Variants in ADGRE1 observed in about 807,000 individuals in gnomAD.
The protein encoded by ADGRE1 is EGF-like module receptor 1.
In ADGRE1, 82 loss-of-function variants were observed where a neutral mutation model predicts 102.7. That is an observed-to-expected ratio of 0.80 (90% CI 0.67 to 0.96). The LOEUF is 0.96. Ranked by LOEUF, ADGRE1 falls within the 40% of genes least tolerant of loss-of-function variation. The probability of loss-of-function intolerance (pLI) is 0.00; values close to 1 mark genes in which losing one functional copy is unlikely to be tolerated. For missense variants in ADGRE1, 1,032 were observed against 1,085.3 expected (o/e 0.95, Z 0.69); for synonymous variants, 398 against 399.6 (o/e 1.00, Z 0.05).
At chr19:6,894,712 A>G (rs780579971) in intron 2 of ADGRE1, among the ~76,000 whole-genome samples, 2 of 152,208 alleles carry the variant, frequency 1.3e-5, no homozygotes, top group Non-Finnish European at 2.9e-5. Flanking sequence ...TCAAATGTGC[A>G]TTCAGAGATG....
rs116947189 is a variant in ADGRE1 at position 6,915,147 on chromosome 19, T to C, written c.1301-1102T>C. On this transcript the variant is annotated intron_variant, in intron 11 of 20. Transcript: ENST00000312053. ...CAGCCTCCTGAGTAGCTGGGAACTATAGGTGTGCACCACCATGCTTGTCTA... is the reference window on the plus strand; with the variant it reads ...CAGCCTCCTGAGTAGCTGGGAACTACAGGTGTGCACCACCATGCTTGTCTA... Among the ~76,000 whole-genome samples, 468 of 152,076 alleles carry C rather than the reference T, an allele frequency of 3.1e-3. 6 individuals carry two copies. Among genetic ancestry groups the C allele is most frequent in the Admixed American group, 0.025 (381 of 15,258 alleles).
intron 10 of ADGRE1, among the ~76,000 whole-genome samples, chr19:6,909,922 C>T (rs558299637): frequency 1.5e-4 from 23 of 152,010 alleles, no homozygotes; most frequent in Admixed American, 9.8e-4. Context: ...TTAGTAGAGA[C>T]GAGGTTTCTC....
intron 5 of ADGRE1, among the ~76,000 whole-genome samples, chr19:6,900,226 G>A (rs147301439): frequency 0.047 from 7,175 of 151,848 alleles, 189 homozygotes; most frequent in African/African-American, 0.071. Context: ...TGTAATACCA[G>A]CACTTAGGGA....
rs1227652247 is a variant in ADGRE1, at chr19:6,897,776, T to TA, written c.514+235dup. On this transcript the variant is annotated intron_variant, in intron 5 of 20. Coordinates refer to ENST00000312053, the MANE Select transcript of ADGRE1 (RefSeq NM_001974.5). The stretch of plus-strand genomic sequence containing the variant: ...TAGCCAGCACATGGTTGGGTCTTTT[T>TA]AAAAAATTTTTTATCTGGTTTAACA... The TA allele has an allele frequency of 2.3e-5, 7 of 309,378 alleles. No homozygotes were observed. The East Asian group carries it at 4.3e-4, about 19-fold the overall frequency. The allele number at this position is 309,378 out of a possible 1,614,324, so 19.2% of individuals were successfully genotyped here. A position where few individuals can be genotyped will look rare whatever the true frequency, so the allele number is the denominator to read the frequency against.
Position 6,916,297 on chromosome 19 carries a change from C to G in ADGRE1, c.1349C>G (p.Thr450Arg). 6.2e-7 allele frequency: 1 copy of G among 1,613,406 alleles called. No individual in the cohort carries two copies. The highest frequency in any genetic ancestry group is 8.5e-7 in the Non-Finnish European group (1 of 1,179,592). Reference protein sequence around the residue: ...INKECSEENVTLDLVAKGDKM... With the variant: ...INKECSEENVRLDLVAKGDKM... ...AAAGAATGCAGTGAAGAGAATGTGACGTTGGACTTGGTAGCCAAGGGGGAT... is the reference window on the plus strand; with the variant it reads ...AAAGAATGCAGTGAAGAGAATGTGAGGTTGGACTTGGTAGCCAAGGGGGAT... Residue 450 changes from threonine to arginine, a missense_variant, in exon 12 of 21, where the codon ACG (threonine) becomes AGG (arginine). Thr to Arg is a moderately conservative substitution (Grantham distance 71). Coordinates refer to ENST00000312053, the MANE Select transcript of ADGRE1 (RefSeq NM_001974.5).
At chr19:6,904,355 A>ATTAATTAT (rs544979052) in intron 8 of ADGRE1, among the ~76,000 whole-genome samples, 173 bp downstream of exon 8, 170 of 64,464 alleles carry the variant, frequency 2.6e-3, no homozygotes, top group African/African-American at 0.023. Flanking sequence ...TGGAGTACCT[A>ATTAATTAT]TTAATTAATT....
rs150457442 is a variant in ADGRE1 at position 6,936,349 on chromosome 19, T to C, written c.2382-894T>C. Among the ~76,000 whole-genome samples the C allele has an allele frequency of 4.0e-3, 597 of 149,924 alleles. 3 individuals are homozygous for C. Among genetic ancestry groups the C allele is most frequent in the African/African-American group, 0.014 (567 of 40,742 alleles). On this transcript the variant is annotated intron_variant, in intron 18 of 20. Coordinates refer to ENST00000312053, the MANE Select transcript of ADGRE1 (RefSeq NM_001974.5). ...TACTTGGGAGGCTGAGGCAGGAGAA[T>C]AGCTTGAACCCAGGAGGCGGAGCTT...
chr19:6,922,433 G>A (rs969799351), intron 14 of ADGRE1, among the ~76,000 whole-genome samples: 4 of 151,826 alleles, frequency 2.6e-5, no homozygotes, highest in African/African-American at 9.7e-5. Context: ...GGCCAACATG[G>A]TGAAACCCCC....
rs749288614 is a variant in ADGRE1 at position 6,926,473 on chromosome 19, G to A, written c.2094G>A (p.Lys698=). ...VILFLMVRNL[K]VVNYFSSRNI... ...TGTTCTTGATGGTCAGAAACCTGAA[G>A]GTGGTGAATTACTTCAGCTCTCGCA... Residue 698 remains lysine, a synonymous_variant, in exon 16 of 21, where the codon AAG becomes AAA. Coordinates refer to ENST00000312053, the MANE Select transcript of ADGRE1 (RefSeq NM_001974.5). 49 of 1,614,124 alleles carry A rather than the reference G, an allele frequency of 3.0e-5. 1 individual carries two copies. The highest frequency in any genetic ancestry group is 2.2e-4 in the Admixed American group (13 of 60,002).
At chr19:6,897,337 G>A in intron 4 of ADGRE1, 33 bp downstream of exon 4, 1 of 1,613,034 alleles carries the variant, frequency 6.2e-7, no homozygotes, top group Non-Finnish European at 8.5e-7. Context: ...GATGGGTCTT[G>A]GGTGGATATC....
At chr19:6,908,426 C>A (rs1974047721) in intron 9 of ADGRE1, among the ~76,000 whole-genome samples, 1 of 152,118 alleles carries the variant, frequency 6.6e-6, no homozygotes, top group Admixed American at 6.5e-5. Flanking sequence ...CTTAGGGTGT[C>A]CCCGATTGAG....
At chr19:6,902,828 C>A (rs143681763) in intron 6 of ADGRE1, among the ~76,000 whole-genome samples, 1 of 152,334 alleles carries the variant, frequency 6.6e-6, no homozygotes, top group Non-Finnish European at 1.5e-5. Context: ...CCTCTGCCTC[C>A]CAGGTTCAAG....
At chr19:6,917,568 A>G (rs1041469388) in intron 12 of ADGRE1, among the ~76,000 whole-genome samples, 23 of 152,074 alleles carry the variant, frequency 1.5e-4, no homozygotes, top group African/African-American at 5.3e-4. Flanking sequence ...GTGAAATCTC[A>G]TCTCTACTAA....
At chr19:6,923,453 G>A (rs1245973745) in intron 14 of ADGRE1, among the ~76,000 whole-genome samples, 1 of 152,180 alleles carries the variant, frequency 6.6e-6, no homozygotes. Context: ...CAACAGATGA[G>A]GAAACTGAGG....
chr19:6,921,756 CTGATG>C lies in ADGRE1; in HGVS notation c.1668_1672del (p.Asp556GlufsTer17), dbSNP rs1419339988. Reference sequence around the variant, plus strand: ...AGGCCCATCTGTGTTTCCTGGAGCACTGATGTGAAGGGTGGAAGATGGACATCCTT... The same window carrying C: ...AGGCCCATCTGTGTTTCCTGGAGCACTGAAGGGTGGAAGATGGACATCCTT... On this transcript the variant is annotated frameshift_variant, in exon 14 of 21. Transcript: ENST00000312053. LOFTEE classifies it high-confidence loss of function. The C allele has an allele frequency of 1.8e-5, 29 of 1,613,548 alleles. No homozygotes were observed. Among genetic ancestry groups the C allele is most frequent in the Non-Finnish European group, 2.5e-5 (29 of 1,179,864 alleles).
In ADGRE1 at chr19:6,905,217, A is replaced by G. The variant is rs370052565; in HGVS notation, c.949+1035A>G. The stretch of plus-strand genomic sequence containing the variant: ...TAAAAAATTAGCCAGGTGTAGTAGC[A>G]TGGGCTTGTAGTCCTAGCTACTCAG... On this transcript the variant is annotated intron_variant, in intron 8 of 20. Coordinates refer to ENST00000312053, the MANE Select transcript of ADGRE1 (RefSeq NM_001974.5). Among the ~76,000 whole-genome samples the G allele has an allele frequency of 3.3e-5, 5 of 152,182 alleles. No homozygotes were observed. The East Asian group carries it at 7.8e-4, about 24-fold the overall frequency.
At chr19:6,923,725 A>T (rs1207318139) in intron 14 of ADGRE1, among the ~76,000 whole-genome samples, 1 of 151,408 alleles carries the variant, frequency 6.6e-6, no homozygotes, top group Non-Finnish European at 1.5e-5. Context: ...TTTAGTAGAG[A>T]TAGGATTTCG....
chr19:6,919,186 C>G (rs1974523886), intron 12 of ADGRE1, among the ~76,000 whole-genome samples: 1 of 152,080 alleles, frequency 6.6e-6, no homozygotes, highest in African/African-American at 2.4e-5. Context: ...GTGCGCATCA[C>G]CACGCCCGGC....
At chr19:6,902,432 G>A (rs113847093) in intron 6 of ADGRE1, among the ~76,000 whole-genome samples, 1 of 151,414 alleles carries the variant, frequency 6.6e-6, no homozygotes, top group East Asian at 1.9e-4. Flanking sequence ...GTTTTTTTGG[G>A]GTTTTTTTGT....
Sources: allele counts gnomAD v4.1 joint callset (sites outside exome capture counted in the v4.1 genomes callset), GRCh38; gene constraint gnomAD v4.1.1; transcripts MANE v1.5; gene names NCBI Gene and HGNC (gene_info 2026-07-23, HGNC 2026-07-21).